The following STARD9 variants were observed in gnomAD, a reference collection of about 807,000 sequenced individuals.
STARD9 encodes StAR related lipid transfer domain containing 9, also known as stAR-related lipid transfer protein 9.
STARD9 carries 346 observed loss-of-function variants against 399.8 expected under a neutral mutation model. The observed-to-expected ratio is 0.87, with a 90% CI of 0.79 to 0.95. The LOEUF is 0.95. STARD9 is among the 40% of genes least tolerant of loss of function. STARD9 has a pLI of 0.00. For synonymous variants in STARD9, 2,203 were observed against 2,143.5 expected (o/e 1.03, Z -0.77); for missense variants, 5,832 against 5,667.5 (o/e 1.03, Z -0.93).
chr15:42,650,908 T>G (rs1296640795), intron 7 of STARD9, 108 bp from the exon 8 acceptor site: 1 of 696,528 alleles, frequency 1.4e-6, no homozygotes, highest in Non-Finnish European at 2.2e-6. Flanking sequence ...TCCCTCATTT[T>G]TGTCTATTAA....
rs1434329132 is a variant in STARD9, at chr15:42,686,790, T to C, written c.5212T>C (p.Ser1738Pro). The C allele has an allele frequency of 6.5e-7, 1 of 1,537,278 alleles. No individual in the cohort carries two copies. The highest frequency in any genetic ancestry group is 2.0e-5 in the Admixed American group (1 of 50,998). ...HSAPWNPLSS[S>P]LQPPLLETFY... ...TGCTCCCTGGAATCCATTGTCATCT[T>C]CCCTGCAGCCCCCACTCTTGGAAAC... The change falls in exon 23 of 33, where the codon TCC becomes CCC. Residue 1738 changes from serine to proline, a missense_variant. Physicochemically the swap from Ser to Pro is moderately conservative, Grantham distance 74. Coordinates refer to ENST00000290607, the MANE Select transcript of STARD9 (RefSeq NM_020759.3).
In STARD9 at chr15:42,688,176, C is replaced by T. The variant is rs758556420; in HGVS notation, c.6598C>T (p.Pro2200Ser). The T allele has an allele frequency of 2.0e-6, 3 of 1,537,446 alleles. No individual in the cohort carries two copies. Among genetic ancestry groups the T allele is most frequent in the South Asian group, 2.4e-5 (2 of 84,054 alleles). The part of the protein sequence containing the change: ...CREFTNTSLH[P>S]QRMKALARAL... ...AGAGTTCACCAACACTTCTCTTCAC[C>T]CACAGAGAATGAAAGCATTGGCTAG... Residue 2200 changes from proline to serine, a missense_variant, in exon 23 of 33, where the codon CCA becomes TCA. Around this residue, in one of 2 missense-constraint regions of STARD9, gnomAD observed 5,828 missense variants for 5,651.1 expected, o/e 1.03. Transcript: ENST00000290607.
intron 26 of STARD9, among the ~76,000 whole-genome samples, chr15:42,710,111 G>T (rs1232164227): frequency 6.8e-6 from 1 of 146,210 alleles, no homozygotes; most frequent in African/African-American, 2.6e-5. Context: ...CCAGGCTAGA[G>T]TGCAGTGACA....
chr15:42,585,053 G>T (rs370722426), intron 2 of STARD9, among the ~76,000 whole-genome samples: 1 of 152,106 alleles, frequency 6.6e-6, no homozygotes, highest in African/African-American at 2.4e-5. Flanking sequence ...TTCAAGCTAT[G>T]TTTATAAAGT....
At chr15:42,679,407 A>G (rs970166906) in intron 20 of STARD9, among the ~76,000 whole-genome samples, 3 of 152,150 alleles carry the variant, frequency 2.0e-5, no homozygotes, top group Admixed American at 1.3e-4. Context: ...GCCCACAGCA[A>G]TCAGTGCCAG....
intron 9 of STARD9, among the ~76,000 whole-genome samples, chr15:42,658,249 A>C (rs955362899): frequency 1.3e-5 from 2 of 151,176 alleles, no homozygotes; most frequent in Non-Finnish European, 2.9e-5. Flanking sequence ...GGCTCAAGTG[A>C]TCCTCCCACC....
chr15:42,685,539 C>T lies in STARD9; in HGVS notation c.3961C>T (p.Leu1321Phe), dbSNP rs753394573. 1 of 1,537,696 alleles carries T rather than the reference C, an allele frequency of 6.5e-7. No individual in the cohort carries two copies. The highest frequency in any genetic ancestry group is 8.7e-7 in the Non-Finnish European group (1 of 1,147,008). ...EPSYSEQADS[L>F]QGMQLSRESP... The stretch of plus-strand genomic sequence containing the variant: ...AAGCTACTCTGAACAAGCCGACTCT[C>T]TCCAAGGCATGCAGCTTTCAAGAGA... The change falls in exon 23 of 33, where the codon CTC becomes TTC. Residue 1321 changes from leucine (L) to phenylalanine (F), a missense_variant. Around this residue, in one of 2 missense-constraint regions of STARD9, gnomAD observed 5,828 missense variants for 5,651.1 expected, o/e 1.03. Coordinates refer to ENST00000290607, the MANE Select transcript of STARD9 (RefSeq NM_020759.3).
chr15:42,637,379 A>AT (rs930561467), intron 4 of STARD9, among the ~76,000 whole-genome samples: 6 of 151,854 alleles, frequency 4.0e-5, no homozygotes, highest in African/African-American at 7.3e-5. Flanking sequence ...TGCCTGGCTA[A>AT]TTTTTTTGTA....
chr15:42,703,826 C>T (rs1184143229), intron 26 of STARD9, among the ~76,000 whole-genome samples: 1 of 152,076 alleles, frequency 6.6e-6, no homozygotes, highest in Non-Finnish European at 1.5e-5. Context: ...GTCAAGACAG[C>T]ATTTTAATGC....
chr15:42,616,890 CAAA>C (rs565991513), intron 3 of STARD9, among the ~76,000 whole-genome samples: 5 of 57,160 alleles, frequency 8.7e-5, no homozygotes, highest in East Asian at 4.6e-4. Context: ...GACTTCCTCT[CAAA>C]AAAAAAAAAA....
Position 42,691,547 on chromosome 15 carries a change from A to T in STARD9, c.9969A>T (p.Thr3323=). 1 of 1,537,164 alleles carries T rather than the reference A, an allele frequency of 6.5e-7. No homozygotes were observed. The highest frequency in any genetic ancestry group is 8.7e-7 in the Non-Finnish European group (1 of 1,146,892). ...CCAAACACTCCAGGTCCTCCCCCAC[A>T]CCACAGTTCTCAGTTGTCGGCTCTT... ...SGPKHSRSSP[T]PQFSVVGSSR... Residue 3323 remains threonine (T), a synonymous_variant, in exon 23 of 33, where the codon ACA becomes ACT. Transcript: ENST00000290607.
chr15:42,621,075 T>G (rs1414954911), intron 3 of STARD9, among the ~76,000 whole-genome samples: 1 of 152,168 alleles, frequency 6.6e-6, no homozygotes, highest in Non-Finnish European at 1.5e-5. Flanking sequence ...ATTTGGATTG[T>G]CCAGTGTCTC....
At chr15:42,646,196 A>G (rs2141969721) in intron 7 of STARD9, among the ~76,000 whole-genome samples, 1 of 152,192 alleles carries the variant, frequency 6.6e-6, no homozygotes, top group South Asian at 2.1e-4. Flanking sequence ...AATGATAATA[A>G]TAATAATAAA....
At chr15:42,665,168 C>G in intron 13 of STARD9, 85 bp from the exon 14 acceptor site, 1 of 1,089,886 alleles carries the variant, frequency 9.2e-7, no homozygotes, top group Non-Finnish European at 1.3e-6. Flanking sequence ...AGTAATCTAC[C>G]TCTTCCCAGC....
rs556954295 is a variant in STARD9, at chr15:42,692,319, A to G, written c.10741A>G (p.Thr3581Ala). 7.2e-6 allele frequency: 11 copies of G among 1,536,954 alleles called. No individual in the cohort carries two copies. The highest frequency in any genetic ancestry group is 9.6e-6 in the Non-Finnish European group (11 of 1,146,874). The change falls in exon 23 of 33, where the codon ACT becomes GCT. Residue 3581 changes from threonine (T) to alanine (A), a missense_variant. Physicochemically the swap from Thr to Ala is moderately conservative, Grantham distance 58. This residue lies in a region of STARD9 where 5,828 missense variants were observed against 5,651.1 expected (regional missense o/e 1.03). Coordinates refer to ENST00000290607, the MANE Select transcript of STARD9 (RefSeq NM_020759.3). Reference protein sequence around the residue: ...IPTSPEGVAPTSGHDRRPQFR... With the variant: ...IPTSPEGVAPASGHDRRPQFR... ...GACGAGCCCTGAAGGAGTAGCCCCC[A>G]CTTCGGGTCATGACAGAAGGCCTCA...
chr15:42,684,589 G>T lies in STARD9; in HGVS notation c.3011G>T (p.Gly1004Val), dbSNP rs1477049970. 1 of 1,537,120 alleles carries T rather than the reference G, an allele frequency of 6.5e-7. No individual in the cohort carries two copies. Among genetic ancestry groups the T allele is most frequent in the Non-Finnish European group, 8.7e-7 (1 of 1,146,916 alleles). ...CTTGGGACCCACAAGGCTGCTAAGGGAGCCAGTTGCAATTCCTTGTATCCT... is the reference window on the plus strand; with the variant it reads ...CTTGGGACCCACAAGGCTGCTAAGGTAGCCAGTTGCAATTCCTTGTATCCT... ...GNLGTHKAAKGASCNSLYPHG... is the reference protein window; with the variant it reads ...GNLGTHKAAKVASCNSLYPHG... Residue 1004 changes from glycine to valine, a missense_variant, in exon 23 of 33, where the codon GGA becomes GTA. By Grantham distance (109) the Gly-to-Val change is moderately radical. Coordinates refer to ENST00000290607, the MANE Select transcript of STARD9 (RefSeq NM_020759.3).
At chr15:42,628,089 A>G (rs2059261019) in intron 3 of STARD9, among the ~76,000 whole-genome samples, 1 of 152,148 alleles carries the variant, frequency 6.6e-6, no homozygotes, top group Non-Finnish European at 1.5e-5. Context: ...CATCCTCACC[A>G]GCATTCATTA....
In STARD9 at chr15:42,688,093, G is replaced by A. The variant is rs375443768; in HGVS notation, c.6515G>A (p.Gly2172Glu). 1 of 1,537,344 alleles carries A rather than the reference G, an allele frequency of 6.5e-7. No individual in the cohort carries two copies. Among genetic ancestry groups the A allele is most frequent in the Non-Finnish European group, 8.7e-7 (1 of 1,146,962 alleles). ...EPVREHTHPA[G>E]SDRPARDICD... ...GTGAGAGAGCACACCCACCCAGCTG[G>A]ATCGGACAGACCTGCCAGGGATATT... is the stretch of plus-strand genomic sequence containing the variant. The change falls in exon 23 of 33, where the codon GGA (glycine) becomes GAA (glutamate). Residue 2172 changes from glycine to glutamate, a missense_variant. Around this residue, in one of 2 missense-constraint regions of STARD9, gnomAD observed 5,828 missense variants for 5,651.1 expected, o/e 1.03. Coordinates refer to ENST00000290607, the MANE Select transcript of STARD9 (RefSeq NM_020759.3).
intron 3 of STARD9, among the ~76,000 whole-genome samples, chr15:42,589,764 G>C (rs1345362770): frequency 1.3e-5 from 2 of 150,504 alleles, no homozygotes; most frequent in Non-Finnish European, 3.0e-5. Context: ...CTGCCACCAT[G>C]CCCAGCTAAT....
Sources: gnomAD v4.1 joint callset for allele counts (sites outside exome capture counted in the v4.1 genomes callset) on GRCh38, gnomAD v4.1.1 for gene constraint, gnomAD v4.1.1 regional missense constraint, MANE v1.5 for transcripts, NCBI Gene and HGNC (gene_info 2026-07-23, HGNC 2026-07-21) for gene names.